Variants in PLEKHS1 observed in about 807,000 individuals in gnomAD.
The protein encoded by PLEKHS1 is pleckstrin homology domain-containing family S member 1.
Under a neutral mutation model 51.0 loss-of-function variants are expected in PLEKHS1, and 55 were observed. The observed-to-expected ratio is 1.08, with a 90% CI of 0.87 to 1.35. The LOEUF (loss-of-function observed/expected upper bound fraction) is 1.35. PLEKHS1 is among the 40% of genes most tolerant of loss of function. PLEKHS1 has a pLI of 0.00. For missense variants in PLEKHS1, 398 were observed against 423.0 expected, an observed-to-expected ratio of 0.94 and a Z score of 0.52; for synonymous variants, 153 against 144.8, an observed-to-expected ratio of 1.06 and a Z score of -0.41.
chr10:113,780,139 C>T (rs1844821778), intron 11 of PLEKHS1, among the ~76,000 whole-genome samples: 1 of 146,582 alleles, frequency 6.8e-6, no homozygotes, highest in African/African-American at 2.5e-5. Flanking sequence ...GGGGATGGGG[C>T]AGGGATTGGG....
At chr10:113,754,686 A>C (rs778103082) in intron 1 of PLEKHS1, among the ~76,000 whole-genome samples, 1 of 152,090 alleles carries the variant, frequency 6.6e-6, no homozygotes, top group Non-Finnish European at 1.5e-5. Context: ...GGGTTTCACC[A>C]TGTTGGTCAG....
At chr10:113,777,705 G>A in intron 11 of PLEKHS1, 1 of 1,520,886 alleles carries the variant, frequency 6.6e-7, no homozygotes, top group South Asian at 1.2e-5. Flanking sequence ...AAAGCTACTA[G>A]TTACTTTTAC....
At chr10:113,754,324 C>T (rs142697015) in intron 1 of PLEKHS1, among the ~76,000 whole-genome samples, 242 of 152,288 alleles carry the variant, frequency 1.6e-3, no homozygotes, top group African/African-American at 5.5e-3. Flanking sequence ...GTCTTACTAA[C>T]TTAAGGTAAA....
exon 12 of PLEKHS1, chr10:113,780,927 T>A: frequency 2.8e-6 from 2 of 720,054 alleles, no homozygotes; most frequent in Non-Finnish European, 4.4e-6. Flanking sequence ...GACTATCCCC[T>A]CTCTGGTTAT....
intron 11 of PLEKHS1, among the ~76,000 whole-genome samples, chr10:113,779,525 G>A (rs991343332): frequency 6.7e-6 from 1 of 149,840 alleles, no homozygotes; most frequent in African/African-American, 2.5e-5. Context: ...AGCCGAGATT[G>A]CACCATTGCA....
chr10:113,780,343 G>A (rs2134595082), intron 11 of PLEKHS1, among the ~76,000 whole-genome samples: 1 of 152,208 alleles, frequency 6.6e-6, no homozygotes, highest in Non-Finnish European at 1.5e-5. Flanking sequence ...GGACCCCTTA[G>A]AGCACCATCA....
chr10:113,777,080 A>G, intron 11 of PLEKHS1, 44 bp from the exon 12 acceptor site: 1 of 1,605,450 alleles, frequency 6.2e-7, no homozygotes. Flanking sequence ...CCTCCTGGCC[A>G]GCTGAGCCTC....
At chr10:113,777,079 C>T in intron 11 of PLEKHS1, 45 bp from the exon 12 acceptor site, 2 of 1,604,542 alleles carry the variant, frequency 1.2e-6, no homozygotes, top group Non-Finnish European at 1.7e-6. Context: ...CCCTCCTGGC[C>T]AGCTGAGCCT....
intron 1 of PLEKHS1, among the ~76,000 whole-genome samples, chr10:113,753,962 CA>C (rs1171595137): frequency 2.6e-5 from 4 of 152,062 alleles, no homozygotes; most frequent in African/African-American, 9.7e-5. Flanking sequence ...TGCCCGCCAC[CA>C]CGCTCGGCCA....
At chr10:113,769,761 C>A (rs1048804557) in intron 6 of PLEKHS1, 23 bp from the exon 7 acceptor site, 5 of 1,501,566 alleles carry the variant, frequency 3.3e-6, no homozygotes, top group Non-Finnish European at 4.6e-6. Flanking sequence ...TGTGCCCTGA[C>A]TGATTCCTTT....
chr10:113,774,583 TCTCTCACA>T (rs1393765311), intron 9 of PLEKHS1, among the ~76,000 whole-genome samples: 1 of 152,176 alleles, frequency 6.6e-6, no homozygotes, highest in Non-Finnish European at 1.5e-5. Context: ...TGCATTTATG[TCTCTCACA>T]CTCTCACTTC....
At chr10:113,777,777 A>G in intron 11 of PLEKHS1, 2 of 1,447,786 alleles carry the variant, frequency 1.4e-6, no homozygotes, top group East Asian at 5.0e-5. Flanking sequence ...CAGTTTCATT[A>G]TCTCAGAAAT....
chr10:113,775,457 T>G (rs1844607029), intron 10 of PLEKHS1, among the ~76,000 whole-genome samples: 1 of 152,166 alleles, frequency 6.6e-6, no homozygotes, highest in Admixed American at 6.5e-5. Context: ...TGATGTAATT[T>G]TAACTCTTTT....
At chr10:113,765,307 A>C in intron 2 of PLEKHS1, 1 of 776,002 alleles carries the variant, frequency 1.3e-6, no homozygotes, top group South Asian at 1.4e-5. Flanking sequence ...TGTAGAGCTA[A>C]TTATTCCTCA....
intron 9 of PLEKHS1, 56 bp downstream of exon 9, chr10:113,774,389 A>G (rs989995618): frequency 1.5e-5 from 15 of 1,004,494 alleles, no homozygotes; most frequent in Non-Finnish European, 2.2e-5. Context: ...GTTAAGGAAC[A>G]ATGATTGTCA....
At chr10:113,767,153 G>A (rs1844200173) in intron 4 of PLEKHS1, among the ~76,000 whole-genome samples, 192 bp from the exon 5 acceptor site, 1 of 151,980 alleles carries the variant, frequency 6.6e-6, no homozygotes, top group Non-Finnish European at 1.5e-5. Context: ...TTGAATCTTA[G>A]GCTAAACAAA....
exon 11 of PLEKHS1, chr10:113,775,801 C>T (rs201649710): frequency 8.1e-6 from 13 of 1,612,766 alleles, no homozygotes; most frequent in South Asian, 2.2e-5. Context: ...AGAAACTGAA[C>T]GTTTTCCTTT....
At chr10:113,777,476 C>G (rs1844726156) in intron 11 of PLEKHS1, 1 of 1,593,154 alleles carries the variant, frequency 6.3e-7, no homozygotes, top group Non-Finnish European at 8.6e-7. Context: ...AGACAGAGCA[C>G]CTGGGTTCAG....
At chr10:113,782,817 T>G (rs1228512976), downstream of PLEKHS1, 1 of 152,200 alleles carries the variant, frequency 6.6e-6, no homozygotes, top group Non-Finnish European at 1.5e-5. Flanking sequence ...ATTTCTTTAT[T>G]TAATGTGAGA....
Sources: allele counts gnomAD v4.1 joint callset (sites outside exome capture counted in the v4.1 genomes callset), GRCh38; gene constraint gnomAD v4.1.1; transcripts MANE v1.5; gene names NCBI Gene and HGNC (gene_info 2026-07-23, HGNC 2026-07-21).